Variants in GFOD1 observed in about 807,000 individuals in gnomAD.
GFOD1 encodes glucose-fructose oxidoreductase domain-containing protein 1.
Under a neutral mutation model 25.4 loss-of-function variants are expected in GFOD1, and 9 were observed. That is an observed-to-expected ratio of 0.35 (90% CI 0.21 to 0.62). The LOEUF (loss-of-function observed/expected upper bound fraction) is 0.62, where lower values mean the gene tolerates loss of function less well. Ranked by LOEUF, GFOD1 falls within the 20% of genes least tolerant of loss-of-function variation. The pLI, the probability that GFOD1 is intolerant of heterozygous loss-of-function variation, is 0.72. For missense variants in GFOD1, 403 were observed against 556.9 expected, an observed-to-expected ratio of 0.72 and a Z score of 2.78; for synonymous variants, 253 against 245.6, an observed-to-expected ratio of 1.03 and a Z score of -0.28.
At chr6:13,473,332 A>G (rs1758548158) in intron 1 of GFOD1, among the ~76,000 whole-genome samples, 1 of 152,212 alleles carries the variant, frequency 6.6e-6, no homozygotes. Flanking sequence ...TCTGTTTACC[A>G]TAGCATGCCC....
intron 1 of GFOD1, among the ~76,000 whole-genome samples, chr6:13,412,306 T>C (rs1302166578): frequency 6.6e-6 from 1 of 152,088 alleles, no homozygotes; most frequent in African/African-American, 2.4e-5. Context: ...GAAGAGGAGA[T>C]GACGCAGACA....
At chr6:13,384,207 CAGA>C (rs1785421822) in intron 1 of GFOD1, among the ~76,000 whole-genome samples, 1 of 152,230 alleles carries the variant, frequency 6.6e-6, no homozygotes, top group Non-Finnish European at 1.5e-5. Flanking sequence ...GCCTGGGTGA[CAGA>C]GTGAGACTCC....
intron 1 of GFOD1, among the ~76,000 whole-genome samples, chr6:13,385,374 T>C (rs938159660): frequency 6.6e-6 from 1 of 152,202 alleles, no homozygotes; most frequent in Non-Finnish European, 1.5e-5. Flanking sequence ...CCATGTGACA[T>C]ACTTAATGGA....
intron 1 of GFOD1, among the ~76,000 whole-genome samples, chr6:13,411,581 C>T (rs564420876): frequency 5.9e-5 from 9 of 152,242 alleles, no homozygotes; most frequent in East Asian, 3.9e-4. Flanking sequence ...CTTGAGCCAC[C>T]GCGCCTGGCC....
At chr6:13,419,670 C>T (rs778484481) in intron 1 of GFOD1, among the ~76,000 whole-genome samples, 29 of 152,292 alleles carry the variant, frequency 1.9e-4, no homozygotes, top group Middle Eastern at 3.4e-3. Context: ...GCGCCCGTGC[C>T]GCCGCTCCTC....
rs553219190 is a variant in GFOD1, at chr6:13,372,616, G to A, written c.254-6954C>T. Among the ~76,000 whole-genome samples, 6 of 152,316 alleles carry A rather than the reference G, an allele frequency of 3.9e-5. No homozygotes were observed. The East Asian group carries it at 1.2e-3, about 29-fold the overall frequency. ...CTTCCCATTCACACCTCTAGGGAAAGATGGAGCTCTGTTGTCCCACAGAGC... is the reference window on the plus strand; with the variant it reads ...CTTCCCATTCACACCTCTAGGGAAAAATGGAGCTCTGTTGTCCCACAGAGC... On this transcript the variant is annotated intron_variant, in intron 1 of 1. Transcript: ENST00000379287.
At chr6:13,485,859 C>T (rs1212481757) in intron 1 of GFOD1, among the ~76,000 whole-genome samples, 2 of 152,200 alleles carry the variant, frequency 1.3e-5, no homozygotes, top group Non-Finnish European at 2.9e-5. Context: ...AAATCTATTA[C>T]TCCAAATTGG....
In GFOD1 at chr6:13,364,422, A is replaced by G. The variant is rs1293244556; in HGVS notation, c.*321T>C. Reference sequence around the variant, plus strand: ...GTGGGATGGATGAGGTAGGGAGGGAAGCAACCCCTCCTTGCTTGTCACAGT... The same window carrying G: ...GTGGGATGGATGAGGTAGGGAGGGAGGCAACCCCTCCTTGCTTGTCACAGT... On this transcript the variant is annotated 3_prime_UTR_variant, in exon 2 of 2. Transcript: ENST00000379287. The surrounding 1 kb of genome is among the most constrained non-coding windows in gnomAD (Gnocchi z 4.1). 3.2e-6 allele frequency: 1 copy of G among 315,526 alleles called. No individual in the cohort carries two copies. Among genetic ancestry groups the G allele is most frequent in the Non-Finnish European group, 6.0e-6 (1 of 167,814 alleles). 19.5% of individuals were successfully genotyped at this position (315,526 alleles called of 1,614,324 possible). A position where few individuals can be genotyped will look rare whatever the true frequency, so the allele number is the denominator to read the frequency against.
intron 1 of GFOD1, among the ~76,000 whole-genome samples, chr6:13,442,014 G>A (rs951519262): frequency 1.3e-5 from 2 of 152,068 alleles, no homozygotes; most frequent in South Asian, 2.1e-4. Flanking sequence ...GTGTAGACAC[G>A]CCAATTCTCC....
intron 1 of GFOD1, among the ~76,000 whole-genome samples, chr6:13,428,662 C>A (rs1391810456): frequency 6.7e-6 from 1 of 148,272 alleles, no homozygotes; most frequent in East Asian, 2.0e-4. Context: ...CTACCCAAAG[C>A]ACCAAAAAAG....
At chr6:13,420,749 G>C (rs1786241643) in intron 1 of GFOD1, among the ~76,000 whole-genome samples, 2 of 152,168 alleles carry the variant, frequency 1.3e-5, no homozygotes, top group African/African-American at 4.8e-5. Flanking sequence ...CTTCAACAAA[G>C]GACTGATTTT....
At chr6:13,404,699 A>T (rs1330355598) in intron 1 of GFOD1, among the ~76,000 whole-genome samples, 1 of 152,240 alleles carries the variant, frequency 6.6e-6, no homozygotes, top group Non-Finnish European at 1.5e-5. Flanking sequence ...CTGCATGCAC[A>T]CTTGGGTGCA....
At chr6:13,418,594 C>A (rs1202342716) in intron 1 of GFOD1, among the ~76,000 whole-genome samples, 1 of 152,202 alleles carries the variant, frequency 6.6e-6, no homozygotes, top group Non-Finnish European at 1.5e-5. Flanking sequence ...ACCTGAGACA[C>A]CACTTTAAGG....
At position 13,443,910 on chromosome 6, in the gene GFOD1, C is replaced by A. The variant is rs551388903; in HGVS notation, c.253+42728G>T. Among the ~76,000 whole-genome samples, 14 of 151,906 alleles carry A rather than the reference C, an allele frequency of 9.2e-5. No homozygotes were observed. The South Asian group carries it at 2.7e-3, about 29-fold the overall frequency. The stretch of plus-strand genomic sequence containing the variant: ...AGCAGCCATCAACATCAAGGCAGGA[C>A]CCTCTACCGGCAAAAGGATTACAAC... On this transcript the variant is annotated intron_variant, in intron 1 of 1. Transcript: ENST00000379287.
At chr6:13,468,923 TG>T (rs1758426531) in intron 1 of GFOD1, among the ~76,000 whole-genome samples, 1 of 152,212 alleles carries the variant, frequency 6.6e-6, no homozygotes, top group South Asian at 2.1e-4. Flanking sequence ...ATCAAGCCTA[TG>T]GTGTGCAAAA....
intron 1 of GFOD1, among the ~76,000 whole-genome samples, chr6:13,436,689 C>T (rs1166958177): frequency 6.6e-6 from 1 of 152,158 alleles, no homozygotes; most frequent in African/African-American, 2.4e-5. Context: ...TTCCACAAGT[C>T]GATTTGCAAA....
intron 1 of GFOD1, among the ~76,000 whole-genome samples, chr6:13,383,963 C>T (rs922130499): frequency 6.6e-6 from 1 of 152,190 alleles, no homozygotes; most frequent in Non-Finnish European, 1.5e-5. Flanking sequence ...CAGTGGCTCA[C>T]GTCTGTAAAT....
chr6:13,460,453 C>CAT (rs1243960035), intron 1 of GFOD1, among the ~76,000 whole-genome samples: 1 of 152,158 alleles, frequency 6.6e-6, no homozygotes, highest in Non-Finnish European at 1.5e-5. Flanking sequence ...AAATGTGGTA[C>CAT]ATATACACCA....
intron 1 of GFOD1, among the ~76,000 whole-genome samples, chr6:13,394,643 T>A (rs1401702155): frequency 6.7e-6 from 1 of 149,508 alleles, no homozygotes; most frequent in Non-Finnish European, 1.5e-5. Flanking sequence ...CTTGGCTAAT[T>A]TTTTTTTTTG....
Sources: gnomAD v4.1 joint callset for allele counts (sites outside exome capture counted in the v4.1 genomes callset) on GRCh38, gnomAD v4.1.1 for gene constraint, Gnocchi (gnomAD v3.1) non-coding constraint, MANE v1.5 for transcripts, NCBI Gene and HGNC (gene_info 2026-07-23, HGNC 2026-07-21) for gene names.